CDO1: variants seen among roughly 807,000 people sequenced by gnomAD.
CDO1 encodes cysteine dioxygenase type 1, also known as cysteine dioxygenase, type I.
In CDO1, 19 loss-of-function variants were observed where a neutral mutation model predicts 24.5. The ratio of observed to expected loss-of-function variants is 0.77; its 90% confidence interval spans 0.54 to 1.14. The LOEUF (loss-of-function observed/expected upper bound fraction) is 1.14, where lower values mean the gene tolerates loss of function less well. CDO1 is among the 50% of genes most tolerant of loss of function. CDO1 has a pLI of 0.00. For synonymous variants in CDO1, 91 were observed against 87.0 expected (o/e 1.05, Z -0.26); for missense variants, 244 against 244.8 (o/e 1.00, Z 0.02).
chr5:115,813,047 C>CAAAA (rs1011228490), intron 2 of CDO1, 134 bp downstream of exon 2: 136 of 152,714 alleles, frequency 8.9e-4, no homozygotes, highest in South Asian at 1.4e-3. Context: ...ACCACTGTCT[C>CAAAA]AAAAAAAAAA....
At chr5:115,806,651 T>G in intron 3 of CDO1, 133 bp from the exon 4 acceptor site, 1 of 684,444 alleles carries the variant, frequency 1.5e-6, no homozygotes, top group Non-Finnish European at 2.4e-6. Context: ...GAATTGAACT[T>G]GCAGTTAAAG....
intron 2 of CDO1, among the ~76,000 whole-genome samples, chr5:115,811,751 C>G (rs1366196002): frequency 1.3e-5 from 2 of 152,208 alleles, no homozygotes; most frequent in Admixed American, 6.5e-5. Flanking sequence ...AGAAGATCCA[C>G]TTAACATTTA....
intron 1 of CDO1, among the ~76,000 whole-genome samples, chr5:115,814,772 T>C (rs1315454223): frequency 1.3e-5 from 2 of 152,090 alleles, no homozygotes; most frequent in Non-Finnish European, 2.9e-5. Context: ...ACAACAATGC[T>C]AACCCCGGGA....
intron 2 of CDO1, 127 bp downstream of exon 2, chr5:115,813,047 CAAAAAAA>C (rs1011228490): frequency 6.7e-4 from 103 of 152,672 alleles, no homozygotes; most frequent in East Asian, 1.1e-3. Context: ...ACCACTGTCT[CAAAAAAA>C]AAAAAAAAAA....
At chr5:115,810,310 C>G (rs1410700323) in intron 3 of CDO1, among the ~76,000 whole-genome samples, 2 of 151,524 alleles carry the variant, frequency 1.3e-5, no homozygotes, top group African/African-American at 2.4e-5. Flanking sequence ...GTATATAGGC[C>G]AAATATCGAG....
intron 1 of CDO1, among the ~76,000 whole-genome samples, chr5:115,815,715 A>G (rs1298378538): frequency 1.3e-5 from 2 of 152,172 alleles, no homozygotes; most frequent in African/African-American, 4.8e-5. Flanking sequence ...CTTCTTCAAC[A>G]TCACACACTT....
intron 3 of CDO1, among the ~76,000 whole-genome samples, chr5:115,808,188 A>G (rs1406565741): frequency 1.3e-5 from 2 of 152,132 alleles, no homozygotes; most frequent in African/African-American, 4.8e-5. Flanking sequence ...CATGTTGTCC[A>G]GGCTGTTCTT....
intron 1 of CDO1, among the ~76,000 whole-genome samples, chr5:115,815,489 C>G (rs1760390957): frequency 1.3e-5 from 2 of 152,002 alleles, no homozygotes; most frequent in South Asian, 4.2e-4. Flanking sequence ...AAACGACGGT[C>G]GAATATTTAA....
chr5:115,814,596 C>T (rs560056961), intron 1 of CDO1: 1 of 152,332 alleles, frequency 6.6e-6, no homozygotes, highest in East Asian at 1.9e-4. Context: ...CCTCAGATAT[C>T]TGTGAAAAGA....
intron 2 of CDO1, among the ~76,000 whole-genome samples, chr5:115,812,219 T>G (rs1369031041): frequency 6.6e-6 from 1 of 152,212 alleles, no homozygotes; most frequent in Non-Finnish European, 1.5e-5. Flanking sequence ...ATAAATGCAC[T>G]CTACAGACCT....
intron 1 of CDO1, chr5:115,814,631 T>A (rs1760346094): frequency 6.6e-6 from 1 of 152,196 alleles, no homozygotes; most frequent in African/African-American, 2.4e-5. Flanking sequence ...TGGTTGCACT[T>A]CAAAAGCTTT....
At position 115,805,217 on chromosome 5, in the gene CDO1, C is replaced by T; in HGVS notation, c.*216G>A. 1 of 486,658 alleles carries T rather than the reference C, an allele frequency of 2.1e-6. No individual in the cohort carries two copies. The highest frequency in any genetic ancestry group is 3.6e-6 in the Non-Finnish European group (1 of 275,216). 30.1% of individuals were successfully genotyped at this position (486,658 alleles called of 1,614,324 possible). ...CACTTGAAAACTTGCCTTTAAAAAT[C>T]ACAAGACTTTCTTTTCCTCAGTGGG... On this transcript the variant is annotated 3_prime_UTR_variant, in exon 5 of 5. Coordinates refer to ENST00000250535, the MANE Select transcript of CDO1 (RefSeq NM_001801.3).
intron 1 of CDO1, among the ~76,000 whole-genome samples, chr5:115,815,312 G>C (rs568258090): frequency 5.9e-5 from 9 of 152,224 alleles, no homozygotes; most frequent in Admixed American, 5.9e-4. Flanking sequence ...CTCTGGCCCC[G>C]GAGGATTGGT....
chr5:115,813,521 T>C (rs190218781), intron 1 of CDO1, among the ~76,000 whole-genome samples: 104 of 152,224 alleles, frequency 6.8e-4, no homozygotes, highest in African/African-American at 2.2e-3. Flanking sequence ...AAAACCGAAA[T>C]TGCATGTTTC....
chr5:115,814,214 G>C (rs992215894), intron 1 of CDO1: 3 of 152,134 alleles, frequency 2.0e-5, no homozygotes, highest in South Asian at 2.1e-4. Flanking sequence ...GAGTTACTTA[G>C]TAAGTGCTTT....
chr5:115,814,936 ACT>A (rs1469958171), intron 1 of CDO1, among the ~76,000 whole-genome samples: 2 of 151,964 alleles, frequency 1.3e-5, no homozygotes, highest in Admixed American at 6.6e-5. Flanking sequence ...TAAAAGCTAG[ACT>A]CTCTGCTAGC....
Position 115,816,306 on chromosome 5 carries a change from T to G in CDO1, c.92A>C (p.Glu31Ala), listed in dbSNP as rs1432506701. 1 of 1,614,034 alleles carries G rather than the reference T, an allele frequency of 6.2e-7. No homozygotes were observed. The highest frequency in any genetic ancestry group is 1.3e-5 in the African/African-American group (1 of 74,930). Residue 31 changes from glutamate to alanine, a missense_variant, in exon 1 of 5, where the codon GAG becomes GCG. Physicochemically the swap from Glu to Ala is moderately radical, Grantham distance 107. Coordinates refer to ENST00000250535, the MANE Select transcript of CDO1 (RefSeq NM_001801.3). ...QLFAGDEVNV[E>A]EVQAIMEAYE... ...GGCTTCCATGATGGCCTGCACCTCC[T>G]CTACATTGACCTCATCGCCGGCAAA... is the stretch of plus-strand genomic sequence containing the variant.
rs1334529008 is a variant in CDO1 at position 115,816,256 on chromosome 5, C to T, written c.142G>A (p.Ala48Thr). The change falls in exon 1 of 5, where the codon GCA becomes ACA. Residue 48 changes from alanine to threonine, a missense_variant. Physicochemically the swap from Ala to Thr is moderately conservative, Grantham distance 58. Coordinates refer to ENST00000250535, the MANE Select transcript of CDO1 (RefSeq NM_001801.3). ...EAYESDPTEW[A>T]MYAKFDQYRY... ...TACTGGTCGAACTTGGCGTACATTGCCCACTCGGTGGGGTCGCTCTCGTAG... is the reference window on the plus strand; with the variant it reads ...TACTGGTCGAACTTGGCGTACATTGTCCACTCGGTGGGGTCGCTCTCGTAG... The T allele has an allele frequency of 1.9e-6, 3 of 1,614,186 alleles. No homozygotes were observed. The highest frequency in any genetic ancestry group is 2.5e-6 in the Non-Finnish European group (3 of 1,180,024).
intron 1 of CDO1, among the ~76,000 whole-genome samples, chr5:115,815,587 G>A (rs1367378930): frequency 6.6e-6 from 1 of 152,204 alleles, no homozygotes; most frequent in East Asian, 1.9e-4. Context: ...CAGAAATTCC[G>A]TAGTGGCAGC....
Sources: gnomAD v4.1 joint callset for allele counts (sites outside exome capture counted in the v4.1 genomes callset) on GRCh38, gnomAD v4.1.1 for gene constraint, MANE v1.5 for transcripts, NCBI Gene and HGNC (gene_info 2026-07-23, HGNC 2026-07-21) for gene names.